TOP2B: variants seen among roughly 807,000 people sequenced by gnomAD.
The protein encoded by TOP2B is DNA topoisomerase 2-beta.
Under a neutral mutation model 193.5 loss-of-function variants are expected in TOP2B, and 51 were observed. The ratio of observed to expected loss-of-function variants is 0.26; its 90% CI spans 0.21 to 0.33. The LOEUF is 0.33. Ranked by LOEUF, TOP2B falls within the 10% of genes least tolerant of loss-of-function variation. The probability of loss-of-function intolerance (pLI) is 1.00; values close to 1 mark genes in which losing one functional copy is unlikely to be tolerated. For synonymous variants in TOP2B, 634 were observed against 635.7 expected (o/e 1.00, Z 0.04); for missense variants, 1,378 against 1,909.3 (o/e 0.72, Z 5.19).
At chr3:25,620,163 T>C in intron 22 of TOP2B, 101 bp from the exon 23 acceptor site, 1 of 774,322 alleles carries the variant, frequency 1.3e-6, no homozygotes, top group Non-Finnish European at 2.0e-6. Context: ...TCATGGGGAA[T>C]TAAAAAGGAA....
At position 25,637,910 on chromosome 3, in the gene TOP2B, T is replaced by C. The variant is rs79826970; in HGVS notation, c.541+255A>G. On this transcript the variant is annotated intron_variant, in intron 5 of 35. Coordinates refer to ENST00000264331, the MANE Select transcript of TOP2B (RefSeq NM_001330700.2). ...ATACATAGACATCATACCAGTCCTA[T>C]CTAAATCAAAACTCAAACTGTCAGC... 0.018 allele frequency among the ~76,000 whole-genome samples: 2,740 copies of C among 152,004 alleles called. 36 individuals carry two copies. Among genetic ancestry groups the C allele is most frequent in the Middle Eastern group, 0.044 (13 of 294 alleles).
chr3:25,624,763 G>C lies in TOP2B; in HGVS notation c.2265C>G (p.Phe755Leu). The C allele has an allele frequency of 6.2e-7, 1 of 1,613,552 alleles. No homozygotes were observed. The highest frequency in any genetic ancestry group is 1.1e-5 in the South Asian group (1 of 91,050). ...TTACTTCACGTTTATCATTCCTCTT[G>C]AAACAGGTAAATAAAACTTTCCGCT... ...PGQRKVLFTC[F>L]KRNDKREVKV... The change falls in exon 19 of 36, where the codon TTC becomes TTG. Residue 755 changes from phenylalanine to leucine, a missense_variant. Phe to Leu is a conservative substitution (Grantham distance 22). Coordinates refer to ENST00000264331, the MANE Select transcript of TOP2B (RefSeq NM_001330700.2).
chr3:25,632,097 G>A (rs770880783), intron 10 of TOP2B, among the ~76,000 whole-genome samples: 58 of 152,002 alleles, frequency 3.8e-4, no homozygotes, highest in Non-Finnish European at 7.7e-4. Context: ...CATGTATAAA[G>A]ATAAGAATCA....
At position 25,664,248 on chromosome 3, in the gene TOP2B, T is replaced by C; in HGVS notation, c.50A>G (p.Asn17Ser). ...CGAGAGVGGG[N>S]GALTWVTLFD... The stretch of plus-strand genomic sequence containing the variant: ...ACTTACCACCCAGGTCAGTGCCCCG[T>C]TGCCGCCGCCCACGCCGGCTCCCGC... The change falls in exon 1 of 36, where the codon AAC becomes AGC. Residue 17 changes from asparagine to serine, a missense_variant. Around this residue, in one of 9 missense-constraint regions of TOP2B, gnomAD observed 83 missense variants for 59.3 expected, o/e 1.40. Coordinates refer to ENST00000264331, the MANE Select transcript of TOP2B (RefSeq NM_001330700.2). 1.3e-6 allele frequency: 2 copies of C among 1,538,110 alleles called. No homozygotes were observed. Among genetic ancestry groups the C allele is most frequent in the Middle Eastern group, 1.9e-4 (1 of 5,400 alleles).
rs531722001 is a variant in TOP2B at position 25,600,729 on chromosome 3, G to A, written c.4615+371C>T. Reference sequence around the variant, plus strand: ...AGTTATTTCTTAGGTGAGAAAAAAAGTTCTAGCCTAAGAGTCCTGGATCTA... The same window carrying A: ...AGTTATTTCTTAGGTGAGAAAAAAAATTCTAGCCTAAGAGTCCTGGATCTA... On this transcript the variant is annotated intron_variant, in intron 34 of 35. Coordinates refer to ENST00000264331, the MANE Select transcript of TOP2B (RefSeq NM_001330700.2). Among the ~76,000 whole-genome samples, 205 of 152,324 alleles carry A rather than the reference G, an allele frequency of 1.3e-3. 1 individual carries two copies. Among genetic ancestry groups the A allele is most frequent in the African/African-American group, 4.3e-3 (178 of 41,588 alleles).
intron 1 of TOP2B, among the ~76,000 whole-genome samples, chr3:25,645,731 T>G (rs1296266098): frequency 6.6e-6 from 1 of 151,986 alleles, no homozygotes; most frequent in Non-Finnish European, 1.5e-5. Flanking sequence ...AATACAAACA[T>G]TTCCCAATTC....
Position 25,624,752 on chromosome 3 carries a change from T to A in TOP2B, c.2276A>T (p.Asp759Val). The A allele has an allele frequency of 1.2e-6, 2 of 1,613,802 alleles. No homozygotes were observed. Among genetic ancestry groups the A allele is most frequent in the Non-Finnish European group, 1.7e-6 (2 of 1,179,772 alleles). The change falls in exon 19 of 36, where the codon GAT (aspartate) becomes GTT (valine). Residue 759 changes from aspartate (D) to valine (V), a missense_variant. Transcript: ENST00000264331. ...KVLFTCFKRN[D>V]KREVKVAQLA... ...CTGGGCAACTTTTACTTCACGTTTA[T>A]CATTCCTCTTGAAACAGGTAAATAA...
intron 1 of TOP2B, among the ~76,000 whole-genome samples, chr3:25,656,146 C>A (rs1703739855): frequency 6.6e-6 from 1 of 152,106 alleles, no homozygotes; most frequent in Non-Finnish European, 1.5e-5. Context: ...TGTGACAATA[C>A]ACTTTTTTCT....
At chr3:25,643,915 TTCAG>T in intron 2 of TOP2B, 131 bp from the exon 3 acceptor site, 1 of 596,482 alleles carries the variant, frequency 1.7e-6, no homozygotes, top group Non-Finnish European at 2.9e-6. Flanking sequence ...CATATACAAC[TTCAG>T]TAATAGTCAA....
chr3:25,612,518 C>A lies in TOP2B; in HGVS notation c.3783G>T (p.Lys1261Asn), dbSNP rs775398433. 6.2e-7 allele frequency: 1 copy of A among 1,606,526 alleles called. No homozygotes were observed. The highest frequency in any genetic ancestry group is 1.7e-5 in the Admixed American group (1 of 59,844). Residue 1261 changes from lysine (K) to asparagine (N), a missense_variant, in exon 28 of 36, where the codon AAG becomes AAT. Lys to Asn is a moderately conservative substitution (Grantham distance 94). Transcript: ENST00000264331. ...AATGACAAGAGGTATGTCATACCTT[C>A]TTCTTCTTCAGCAACTTTTTGCTGG... ...ADASKKLLKK[K>N]KGDLDTAAVK...
chr3:25,656,766 TA>T (rs1703757091), intron 1 of TOP2B, among the ~76,000 whole-genome samples: 1 of 152,134 alleles, frequency 6.6e-6, no homozygotes, highest in Non-Finnish European at 1.5e-5. Flanking sequence ...AGAATATCAA[TA>T]AAAATTATCT....
Position 25,664,709 on chromosome 3 carries a change from CCTT to C in TOP2B, c.-415_-413del, listed in dbSNP as rs982272385. ...TGGCGAGGACGCAGAGGTGCCTTGTCCTTCTCACACTCCGCGAAGGCCAGCCAC... is the reference window on the plus strand; with the variant it reads ...TGGCGAGGACGCAGAGGTGCCTTGTCCTCACACTCCGCGAAGGCCAGCCAC... On this transcript the variant is annotated 5_prime_UTR_variant, in exon 1 of 36. Coordinates refer to ENST00000264331, the MANE Select transcript of TOP2B (RefSeq NM_001330700.2). The C allele has an allele frequency of 2.8e-5, 28 of 985,142 alleles. No individual in the cohort carries two copies. The highest frequency in any genetic ancestry group is 6.2e-5 in the Admixed American group (1 of 16,260). The allele number at this position is 985,142 out of a possible 1,614,324, so 61.0% of individuals were successfully genotyped here. A position where few individuals can be genotyped will look rare whatever the true frequency, so the allele number is the denominator to read the frequency against.
intron 1 of TOP2B, among the ~76,000 whole-genome samples, chr3:25,658,095 G>A (rs1358400436): frequency 6.8e-6 from 1 of 147,806 alleles, no homozygotes; most frequent in Non-Finnish European, 1.5e-5. Context: ...GGGCATGGTG[G>A]CGGGCGCCTG....
chr3:25,616,629 T>A (rs1487964069), intron 25 of TOP2B, among the ~76,000 whole-genome samples: 1 of 151,964 alleles, frequency 6.6e-6, no homozygotes, highest in Non-Finnish European at 1.5e-5. Flanking sequence ...AGTACCTAGA[T>A]AACTTACAAT....
At chr3:25,622,989 T>A (rs1186372547) in intron 21 of TOP2B, among the ~76,000 whole-genome samples, 2 of 152,018 alleles carry the variant, frequency 1.3e-5, no homozygotes, top group African/African-American at 4.8e-5. Context: ...TGTTGGTCAG[T>A]CTGGTCTCGA....
intron 1 of TOP2B, among the ~76,000 whole-genome samples, chr3:25,662,026 A>T (rs893709191): frequency 6.6e-6 from 1 of 152,244 alleles, no homozygotes; most frequent in Non-Finnish European, 1.5e-5. Context: ...GGAAAAATTA[A>T]TTTGCTTTTA....
intron 2 of TOP2B, among the ~76,000 whole-genome samples, chr3:25,645,073 G>C (rs999314822): frequency 4.0e-5 from 6 of 151,892 alleles, no homozygotes; most frequent in African/African-American, 1.5e-4. Context: ...GCCTCCCAAA[G>C]TGCTGGGATT....
chr3:25,661,361 C>T (rs1703905137), intron 1 of TOP2B, among the ~76,000 whole-genome samples: 1 of 152,146 alleles, frequency 6.6e-6, no homozygotes, highest in Admixed American at 6.5e-5. Context: ...CTCTGGTTAC[C>T]ACTTTTTGAG....
Position 25,598,369 on chromosome 3 carries a change from C to T in TOP2B, c.4819G>A (p.Val1607Ile), listed in dbSNP as rs764317223. The T allele has an allele frequency of 9.9e-6, 16 of 1,613,332 alleles. No homozygotes were observed. The South Asian group carries it at 1.6e-4, about 17-fold the overall frequency. ...TCATCAGACTCTGCAAAATATTTTA[C>T]TTCTTTCCTAGCCCGACCGGTTCGT... Reference protein sequence around the residue: ...LPRTGRARKEVKYFAESDEEE... With the variant: ...LPRTGRARKEIKYFAESDEEE... The change falls in exon 36 of 36, where the codon GTA becomes ATA. Residue 1607 changes from valine to isoleucine, a missense_variant. Val to Ile is a conservative substitution (Grantham distance 29). Coordinates refer to ENST00000264331, the MANE Select transcript of TOP2B (RefSeq NM_001330700.2).
Sources: allele counts gnomAD v4.1 joint callset (sites outside exome capture counted in the v4.1 genomes callset), GRCh38; gene constraint gnomAD v4.1.1; regional missense constraint gnomAD v4.1.1; transcripts MANE v1.5; gene names NCBI Gene and HGNC (gene_info 2026-07-23, HGNC 2026-07-21).